Variants in PTPRT observed in about 807,000 individuals in gnomAD.
The protein encoded by PTPRT is protein tyrosine phosphatase receptor type T, also known as receptor-type tyrosine-protein phosphatase T.
A neutral mutation model predicts 176.8 loss-of-function variants in PTPRT; 56 were observed. The ratio of observed to expected loss-of-function variants is 0.32; its 90% confidence interval spans 0.26 to 0.40. The LOEUF is 0.40. Ranked by LOEUF, PTPRT falls within the 10% of genes least tolerant of loss-of-function variation. The pLI is 1.00. For missense variants in PTPRT, 1,540 were observed against 1,908.2 expected, an observed-to-expected ratio of 0.81 and a Z score of 3.60; for synonymous variants, 783 against 739.0, an observed-to-expected ratio of 1.06 and a Z score of -0.96.
At chr20:42,313,561 G>C (rs1003121277) in intron 12 of PTPRT, among the ~76,000 whole-genome samples, 2 of 152,128 alleles carry the variant, frequency 1.3e-5, no homozygotes, top group Admixed American at 6.5e-5. Flanking sequence ...GAGTATCTTA[G>C]TGGGAAGAAT....
intron 1 of PTPRT, among the ~76,000 whole-genome samples, chr20:42,977,057 T>C (rs1455940313): frequency 1.3e-5 from 2 of 152,136 alleles, no homozygotes; most frequent in African/African-American, 2.4e-5. Flanking sequence ...AGCCCTCTTA[T>C]GGGAAAATGT....
chr20:42,649,151 C>T (rs759866487), intron 7 of PTPRT, among the ~76,000 whole-genome samples: 2 of 152,064 alleles, frequency 1.3e-5, no homozygotes, highest in South Asian at 2.1e-4. Flanking sequence ...CACAGTTCCA[C>T]GTGGCTGGGG....
chr20:42,471,627 T>A (rs11086839), intron 8 of PTPRT, among the ~76,000 whole-genome samples: 193 of 152,260 alleles, frequency 1.3e-3, no homozygotes, highest in African/African-American at 4.3e-3. Flanking sequence ...TCTTTATAAA[T>A]TACCCAGTCT....
chr20:42,902,819 T>C (rs192709071), intron 1 of PTPRT, among the ~76,000 whole-genome samples: 1 of 152,326 alleles, frequency 6.6e-6, no homozygotes, highest in African/African-American at 2.4e-5. Context: ...TTTATGATAA[T>C]GTCTCTTGCA....
intron 15 of PTPRT, among the ~76,000 whole-genome samples, chr20:42,205,845 G>A (rs981847317): frequency 1.3e-5 from 2 of 152,080 alleles, no homozygotes; most frequent in East Asian, 1.9e-4. Context: ...CACAAGTGAG[G>A]CCCTGCTTCT....
intron 7 of PTPRT, among the ~76,000 whole-genome samples, chr20:42,650,566 T>G (rs1304870187): frequency 6.6e-6 from 1 of 152,122 alleles, no homozygotes; most frequent in Non-Finnish European, 1.5e-5. Context: ...ATCATCACCT[T>G]GACAGTTACA....
intron 9 of PTPRT, among the ~76,000 whole-genome samples, chr20:42,430,787 G>T (rs146751279): frequency 1.0e-3 from 159 of 152,326 alleles, no homozygotes; most frequent in Middle Eastern, 0.01. Flanking sequence ...CTGCCAACAT[G>T]CATGATACGC....
At chr20:42,612,194 T>C (rs2073986844) in intron 7 of PTPRT, among the ~76,000 whole-genome samples, 2 of 152,154 alleles carry the variant, frequency 1.3e-5, no homozygotes. Flanking sequence ...AGTTCCCTAC[T>C]CTCCCACCAT....
In PTPRT at chr20:42,792,804, T is replaced by C. The variant is rs183884883; in HGVS notation, c.215-1338A>G. On this transcript the variant is annotated intron_variant, in intron 2 of 30. Transcript: ENST00000373187. Reference sequence around the variant, plus strand: ...CAGTTAATAAGTGCTGGGAAACCCATAACTTCTTGGGATTCTAGAAGGTAC... The same window carrying C: ...CAGTTAATAAGTGCTGGGAAACCCACAACTTCTTGGGATTCTAGAAGGTAC... Among the ~76,000 whole-genome samples the C allele has an allele frequency of 3.6e-4, 55 of 152,316 alleles. 1 individual carries two copies. The highest frequency in any genetic ancestry group is 2.1e-3 in the Admixed American group (32 of 15,306).
chr20:42,545,654 G>A (rs2145595043), intron 7 of PTPRT, among the ~76,000 whole-genome samples: 1 of 152,254 alleles, frequency 6.6e-6, no homozygotes, highest in Non-Finnish European at 1.5e-5. Context: ...AATCTTGATT[G>A]AAAATCTTTT....
At chr20:42,191,449 C>T (rs1217447196) in intron 16 of PTPRT, among the ~76,000 whole-genome samples, 4 of 152,152 alleles carry the variant, frequency 2.6e-5, no homozygotes, top group African/African-American at 9.7e-5. Context: ...AGTGACTCAG[C>T]CCAATGTAGA....
Position 43,152,591 on chromosome 20 carries a change from A to G in PTPRT, c.88+37055T>C, listed in dbSNP as rs571900057. Among the ~76,000 whole-genome samples the G allele has an allele frequency of 3.3e-5, 5 of 152,256 alleles. No homozygotes were observed. The East Asian group carries it at 5.8e-4, about 18-fold the overall frequency. ...TCAGCACATAGTAGCTACCTAATAA[A>G]CATTTATAAAGTGAATAAATTCATA... On this transcript the variant is annotated intron_variant, in intron 1 of 30. Transcript: ENST00000373187.
rs1337058491 is a variant in PTPRT at position 43,076,326 on chromosome 20, T to C, written c.88+113320A>G. 2.0e-5 allele frequency among the ~76,000 whole-genome samples: 3 copies of C among 152,184 alleles called. No homozygotes were observed. The East Asian group carries it at 5.8e-4, about 29-fold the overall frequency. The stretch of plus-strand genomic sequence containing the variant: ...TTCATCTGGAACACGGTAAGTCGCC[T>C]TAATTATGTACAACATGAAACTAAA... On this transcript the variant is annotated intron_variant, in intron 1 of 30. Transcript: ENST00000373187.
At chr20:42,892,265 C>G (rs541028110) in intron 1 of PTPRT, among the ~76,000 whole-genome samples, 1 of 152,264 alleles carries the variant, frequency 6.6e-6, no homozygotes, top group East Asian at 1.9e-4. Flanking sequence ...CAAGCCCTGC[C>G]ATTTTGATTG....
Position 42,896,889 on chromosome 20 carries a change from T to C in PTPRT, c.89-10957A>G, listed in dbSNP as rs150656268. 2.5e-3 allele frequency among the ~76,000 whole-genome samples: 384 copies of C among 152,256 alleles called. 1 individual carries two copies. The highest frequency in any genetic ancestry group is 8.8e-3 in the African/African-American group (364 of 41,550). On this transcript the variant is annotated intron_variant, in intron 1 of 30. Transcript: ENST00000373187. ...CTTATTAATTGTGAACACCCTATCGTGGGTAGCTGATTCTTGCCCCCGGAA... is the reference window on the plus strand; with the variant it reads ...CTTATTAATTGTGAACACCCTATCGCGGGTAGCTGATTCTTGCCCCCGGAA...
intron 7 of PTPRT, among the ~76,000 whole-genome samples, chr20:42,543,324 T>C (rs1568964624): frequency 1.3e-5 from 2 of 152,218 alleles, no homozygotes; most frequent in Non-Finnish European, 2.9e-5. Flanking sequence ...ATTTTACCAG[T>C]GTTTACAGCA....
intron 2 of PTPRT, among the ~76,000 whole-genome samples, chr20:42,823,091 T>C (rs1426456260): frequency 6.6e-6 from 1 of 152,202 alleles, no homozygotes; most frequent in Non-Finnish European, 1.5e-5. Context: ...TGCACATGTA[T>C]GTTTAGTGCA....
intron 7 of PTPRT, among the ~76,000 whole-genome samples, chr20:42,590,938 GT>G: frequency 7.5e-6 from 1 of 133,750 alleles, no homozygotes; most frequent in East Asian, 2.0e-4. Flanking sequence ...GTGTGTGTGT[GT>G]GTGTGTGTGT....
chr20:42,046,661 A>G, the PTPRT span, among the ~76,000 whole-genome samples: 1 of 152,096 alleles, frequency 6.6e-6, no homozygotes, highest in Non-Finnish European at 1.5e-5. Context: ...TCCCTCTATC[A>G]ATCTTCCAGT....
Sources: gnomAD v4.1 joint callset for allele counts (sites outside exome capture counted in the v4.1 genomes callset) on GRCh38, gnomAD v4.1.1 for gene constraint, MANE v1.5 for transcripts, NCBI Gene and HGNC (gene_info 2026-07-23, HGNC 2026-07-21) for gene names.